ST8SIA1: variants seen among roughly 807,000 people sequenced by gnomAD.
The protein encoded by ST8SIA1 is ST8 alpha-N-acetyl-neuraminide alpha-2,8-sialyltransferase 1.
ST8SIA1 carries 16 observed loss-of-function variants against 35.9 expected under a neutral mutation model. The observed-to-expected ratio is 0.45, with a 90% CI of 0.30 to 0.68. The LOEUF is 0.68. Among genes scored for constraint, ST8SIA1 ranks in the 30% least tolerant of loss-of-function variants. The probability of loss-of-function intolerance (pLI) is 0.09; values close to 1 mark genes in which losing one functional copy is unlikely to be tolerated. For synonymous variants in ST8SIA1, 170 were observed against 169.6 expected, an observed-to-expected ratio of 1.00 and a Z score of -0.02; for missense variants, 383 against 453.6, an observed-to-expected ratio of 0.84 and a Z score of 1.41.
At chr12:22,320,941 GA>G (rs1371936540) in intron 1 of ST8SIA1, among the ~76,000 whole-genome samples, 1 of 70,926 alleles carries the variant, frequency 1.4e-5, no homozygotes, top group Non-Finnish European at 2.9e-5. Flanking sequence ...AAGAAAGAAA[GA>G]AAGAAAGAAA....
chr12:22,320,643 G>A (rs1411825729), intron 1 of ST8SIA1, among the ~76,000 whole-genome samples: 5 of 151,958 alleles, frequency 3.3e-5, no homozygotes, highest in South Asian at 4.2e-4. Context: ...CCAGGAGTTC[G>A]AGACCAGCCC....
chr12:22,280,993 C>T (rs2300739), intron 2 of ST8SIA1, among the ~76,000 whole-genome samples: 37,059 of 152,058 alleles, frequency 0.24, 4,668 homozygotes, highest in African/African-American at 0.33. Flanking sequence ...CTTTATGTTT[C>T]CCGAAATCCC....
chr12:22,264,665 T>C (rs539105343), intron 2 of ST8SIA1, among the ~76,000 whole-genome samples: 1 of 152,294 alleles, frequency 6.6e-6, no homozygotes, highest in African/African-American at 2.4e-5. Context: ...TACTTAATTA[T>C]TAAACCCTTT....
intron 1 of ST8SIA1, among the ~76,000 whole-genome samples, chr12:22,304,334 CTT>C (rs3063802): frequency 0.26 from 27,943 of 105,880 alleles, 2,935 homozygotes; most frequent in Middle Eastern, 0.33. Flanking sequence ...TTTTCTTTTT[CTT>C]TTTTTTTTTT....
chr12:22,219,805 G>C (rs894712986), intron 4 of ST8SIA1, among the ~76,000 whole-genome samples: 3 of 151,970 alleles, frequency 2.0e-5, no homozygotes, highest in African/African-American at 7.3e-5. Flanking sequence ...ATCATGCCAG[G>C]GTATGCATGA....
chr12:22,304,025 C>G (rs796195081), intron 1 of ST8SIA1, among the ~76,000 whole-genome samples: 3 of 152,182 alleles, frequency 2.0e-5, no homozygotes, highest in South Asian at 2.1e-4. Context: ...CAATGGCTGT[C>G]GTCTCACGCT....
In ST8SIA1 at chr12:22,319,865, C is replaced by T. The variant is rs539903312; in HGVS notation, c.236+14132G>A. Among the ~76,000 whole-genome samples the T allele has an allele frequency of 1.5e-4, 23 of 152,160 alleles. No individual in the cohort carries two copies. The East Asian group carries it at 4.5e-3, about 29-fold the overall frequency. On this transcript the variant is annotated intron_variant, in intron 1 of 4. Transcript: ENST00000396037. ...GTGTGTTGATCTGACCACGAGCTTC[C>T]TAAGCAAGAAGAAAAAGAAATTTTT...
intron 1 of ST8SIA1, among the ~76,000 whole-genome samples, chr12:22,315,679 A>T (rs890040370): frequency 6.6e-6 from 1 of 151,930 alleles, no homozygotes; most frequent in Non-Finnish European, 1.5e-5. Flanking sequence ...ACCTTGAAGT[A>T]ATGAGGGAAC....
chr12:22,270,924 T>C (rs1238068967), intron 2 of ST8SIA1, among the ~76,000 whole-genome samples: 2 of 152,236 alleles, frequency 1.3e-5, no homozygotes, highest in Non-Finnish European at 2.9e-5. Context: ...AGATTCATAA[T>C]TAGTAAATGG....
chr12:22,227,039 C>T (rs1017309403), intron 4 of ST8SIA1, among the ~76,000 whole-genome samples: 6 of 151,902 alleles, frequency 3.9e-5, no homozygotes, highest in African/African-American at 9.7e-5. Flanking sequence ...CTCTGCCTCC[C>T]GGGTTCAATG....
Position 22,201,613 on chromosome 12 carries a change from A to C in ST8SIA1, c.1010T>G (p.Ile337Ser). The C allele has an allele frequency of 6.2e-7, 1 of 1,614,020 alleles. No individual in the cohort carries two copies. Among genetic ancestry groups the C allele is most frequent in the Non-Finnish European group, 8.5e-7 (1 of 1,179,960 alleles). The change falls in exon 5 of 5, where the codon ATC (isoleucine) becomes AGC (serine). Residue 337 changes from isoleucine (I) to serine (S), a missense_variant. Coordinates refer to ENST00000396037, the MANE Select transcript of ST8SIA1 (RefSeq NM_003034.4). Reference sequence around the variant, plus strand: ...GTCCAGCTGCATTCTCAGTGCACCGATTTTATGAAGATACCAGAGTTGGAG... The same window carrying C: ...GTCCAGCTGCATTCTCAGTGCACCGCTTTTATGAAGATACCAGAGTTGGAG... The part of the protein sequence containing the change: ...EFLQLWYLHK[I>S]GALRMQLDPC...
At chr12:22,206,335 T>C (rs1248513303) in intron 4 of ST8SIA1, among the ~76,000 whole-genome samples, 1 of 152,182 alleles carries the variant, frequency 6.6e-6, no homozygotes, top group Non-Finnish European at 1.5e-5. Context: ...AGCAATGCCC[T>C]ATACCTGGAG....
intron 1 of ST8SIA1, among the ~76,000 whole-genome samples, chr12:22,316,096 T>A (rs1193954000): frequency 6.6e-6 from 1 of 152,102 alleles, no homozygotes; most frequent in African/African-American, 2.4e-5. Flanking sequence ...AACAAGAAGT[T>A]TCAGTTCTTA....
intron 1 of ST8SIA1, among the ~76,000 whole-genome samples, chr12:22,311,397 T>A (rs933854838): frequency 7.2e-5 from 11 of 151,980 alleles, no homozygotes; most frequent in Non-Finnish European, 1.3e-4. Context: ...AAACTGAGAA[T>A]CGAAGGACTA....
chr12:22,258,806 G>A (rs1006393218), intron 2 of ST8SIA1, among the ~76,000 whole-genome samples: 12 of 152,284 alleles, frequency 7.9e-5, no homozygotes, highest in African/African-American at 1.2e-4. Context: ...AGCCTATTAG[G>A]CTGGCAATTC....
intron 4 of ST8SIA1, among the ~76,000 whole-genome samples, chr12:22,224,049 T>C (rs540484491): frequency 3.1e-4 from 47 of 152,312 alleles, no homozygotes; most frequent in South Asian, 1.7e-3. Context: ...TACTAATTTA[T>C]ACTCCCACTA....
intron 1 of ST8SIA1, among the ~76,000 whole-genome samples, chr12:22,331,714 A>C (rs1178306726): frequency 6.6e-6 from 1 of 152,208 alleles, no homozygotes; most frequent in Admixed American, 6.5e-5. Flanking sequence ...TCAAACCATG[A>C]AACTTCTCCT....
chr12:22,245,144 G>A (rs1865585478), intron 4 of ST8SIA1, among the ~76,000 whole-genome samples: 1 of 152,142 alleles, frequency 6.6e-6, no homozygotes, highest in Non-Finnish European at 1.5e-5. Context: ...AACTTTTTAA[G>A]TTTAACACAC....
chr12:22,229,794 C>G (rs1333070239), intron 4 of ST8SIA1, among the ~76,000 whole-genome samples: 3 of 152,006 alleles, frequency 2.0e-5, no homozygotes, highest in Non-Finnish European at 4.4e-5. Flanking sequence ...GTGGAGTTGG[C>G]CAGTAGACAC....
Sources: gnomAD v4.1 joint callset for allele counts (sites outside exome capture counted in the v4.1 genomes callset) on GRCh38, gnomAD v4.1.1 for gene constraint, MANE v1.5 for transcripts, NCBI Gene and HGNC (gene_info 2026-07-23, HGNC 2026-07-21) for gene names.